Variants in LRP1B observed in about 807,000 individuals in gnomAD.
LRP1B encodes LDL receptor related protein 1B.
LRP1B carries 217 observed loss-of-function variants against 556.6 expected under a neutral mutation model. The ratio of observed to expected loss-of-function variants is 0.39; its 90% CI spans 0.35 to 0.44. The LOEUF is 0.44. Among genes scored for constraint, LRP1B ranks in the 20% least tolerant of loss-of-function variants. The probability of loss-of-function intolerance (pLI) is 1.00; values close to 1 mark genes in which losing one functional copy is unlikely to be tolerated. For synonymous variants in LRP1B, 2,047 were observed against 1,865.8 expected (o/e 1.10, Z -2.50); for missense variants, 5,053 against 5,620.8 (o/e 0.90, Z 3.23).
chr2:141,786,099 T>C (rs1454335258), intron 2 of LRP1B, among the ~76,000 whole-genome samples: 1 of 151,978 alleles, frequency 6.6e-6, no homozygotes, highest in Non-Finnish European at 1.5e-5. Flanking sequence ...GCAATGAAAG[T>C]ATTCTAAGAA....
chr2:142,084,837 G>A (rs967827724), intron 1 of LRP1B, among the ~76,000 whole-genome samples: 45 of 152,102 alleles, frequency 3.0e-4, no homozygotes, highest in Admixed American at 2.6e-3. Flanking sequence ...TTTTACAAAC[G>A]AAAGTAGTTT....
At chr2:140,915,893 G>T (rs1694561177) in intron 21 of LRP1B, among the ~76,000 whole-genome samples, 1 of 151,398 alleles carries the variant, frequency 6.6e-6, no homozygotes, top group South Asian at 2.1e-4. Flanking sequence ...CCGGGTGAGG[G>T]GGCAGGCGCC....
rs187157893 is a variant in LRP1B at position 140,951,909 on chromosome 2, G to A, written c.2919C>T (p.Phe973=). 8.1e-5 allele frequency: 131 copies of A among 1,613,910 alleles called. No individual in the cohort carries two copies. The East Asian group carries it at 2.2e-3, about 27-fold the overall frequency. ...EFPTCEPLTQ[F]VCKSGRCISS... ...TAATGCATCTTCCACTTTTGCATAC[G>A]AATTGGGTTAGTGGCTCACAAGTTG... The change falls in exon 19 of 91, where the codon TTC becomes TTT. Residue 973 remains phenylalanine (F), a synonymous_variant. Transcript: ENST00000389484.
chr2:141,952,978 G>A (rs1701150149), intron 1 of LRP1B, among the ~76,000 whole-genome samples: 1 of 152,024 alleles, frequency 6.6e-6, no homozygotes, highest in South Asian at 2.1e-4. Flanking sequence ...ATATTTAAAT[G>A]ATATAAACTC....
At chr2:140,288,017 G>T (rs753651418) in intron 84 of LRP1B, among the ~76,000 whole-genome samples, 93 of 151,640 alleles carry the variant, frequency 6.1e-4, no homozygotes, top group African/African-American at 2.2e-3. Flanking sequence ...TTCATATATT[G>T]TTTTCTATTT....
intron 20 of LRP1B, among the ~76,000 whole-genome samples, chr2:140,933,308 G>C (rs1389637052): frequency 3.3e-5 from 5 of 152,042 alleles, no homozygotes; most frequent in Non-Finnish European, 5.9e-5. Context: ...TCAAAGAAAA[G>C]GCAGCACTTT....
At chr2:140,873,943 T>C (rs1469607939) in intron 25 of LRP1B, among the ~76,000 whole-genome samples, 1 of 151,820 alleles carries the variant, frequency 6.6e-6, no homozygotes, top group Non-Finnish European at 1.5e-5. Flanking sequence ...AAGAGGTTTT[T>C]TTTTGGTAAG....
chr2:141,827,905 A>G (rs1188398080), intron 1 of LRP1B, among the ~76,000 whole-genome samples: 1 of 152,000 alleles, frequency 6.6e-6, no homozygotes, highest in Non-Finnish European at 1.5e-5. Flanking sequence ...ATATATTTAT[A>G]TACCCTTCTC....
At chr2:141,842,276 A>G (rs935665023) in intron 1 of LRP1B, among the ~76,000 whole-genome samples, 1 of 152,090 alleles carries the variant, frequency 6.6e-6, no homozygotes, top group Non-Finnish European at 1.5e-5. Context: ...TATTAGGTTA[A>G]TTTAAAAGGT....
intron 2 of LRP1B, among the ~76,000 whole-genome samples, chr2:141,700,073 A>G (rs2105460526): frequency 6.6e-6 from 1 of 151,776 alleles, no homozygotes; most frequent in East Asian, 1.9e-4. Context: ...ATGCATCAGT[A>G]CATTTTCCTG....
chr2:140,992,585 A>G (rs1407022507), intron 16 of LRP1B: 2 of 152,110 alleles, frequency 1.3e-5, no homozygotes, highest in Non-Finnish European at 2.9e-5. Context: ...GACTCTTCAC[A>G]CTTAGTTACA....
intron 43 of LRP1B, among the ~76,000 whole-genome samples, chr2:140,581,915 A>G (rs924293831): frequency 6.6e-6 from 1 of 152,166 alleles, no homozygotes; most frequent in African/African-American, 2.4e-5. Context: ...TTCATACTAC[A>G]TCATTCACTT....
intron 35 of LRP1B, among the ~76,000 whole-genome samples, chr2:140,743,519 T>G (rs1262830085): frequency 6.6e-6 from 1 of 152,148 alleles, no homozygotes; most frequent in African/African-American, 2.4e-5. Context: ...TGTCTCAGTT[T>G]CCCCATCTGT....
chr2:140,643,757 C>G (rs80018460), intron 41 of LRP1B, among the ~76,000 whole-genome samples: 1 of 152,076 alleles, frequency 6.6e-6, no homozygotes, highest in Admixed American at 6.5e-5. Flanking sequence ...CTTGAATGTA[C>G]GTAATCACTA....
In LRP1B at chr2:141,558,721, G is replaced by A. The variant is rs772721723; in HGVS notation, c.206-78188C>T. On this transcript the variant is annotated intron_variant, in intron 2 of 90. Transcript: ENST00000389484. ...AATCTTAGCTGTAGACTATGTTTAC[G>A]CACTAATGGATTCTGGCAATCTCTA... Among the ~76,000 whole-genome samples, 6 of 151,796 alleles carry A rather than the reference G, an allele frequency of 4.0e-5. No homozygotes were observed. The South Asian group carries it at 8.3e-4, about 21-fold the overall frequency.
intron 7 of LRP1B, among the ~76,000 whole-genome samples, chr2:141,076,504 C>T (rs1699790823): frequency 6.6e-6 from 1 of 152,144 alleles, no homozygotes; most frequent in Non-Finnish European, 1.5e-5. Context: ...TTCCTATAAT[C>T]ACTGTGGTGG....
chr2:141,752,437 T>C (rs1189665296), intron 2 of LRP1B, among the ~76,000 whole-genome samples: 1 of 152,134 alleles, frequency 6.6e-6, no homozygotes, highest in Admixed American at 6.5e-5. Flanking sequence ...CCTGAAAGAC[T>C]TTCCATACTC....
intron 5 of LRP1B, among the ~76,000 whole-genome samples, chr2:141,231,128 T>G (rs1683443222): frequency 6.6e-6 from 1 of 152,230 alleles, no homozygotes; most frequent in African/African-American, 2.4e-5. Flanking sequence ...TAAATATCAT[T>G]TGACCATTCT....
At chr2:140,245,015 G>A (rs999043369) in intron 87 of LRP1B, among the ~76,000 whole-genome samples, 3 of 151,292 alleles carry the variant, frequency 2.0e-5, no homozygotes, top group Non-Finnish European at 3.0e-5. Context: ...CAAGTTTCTC[G>A]AAGCATAAAT....
Sources: allele counts gnomAD v4.1 joint callset (sites outside exome capture counted in the v4.1 genomes callset), GRCh38; gene constraint gnomAD v4.1.1; transcripts MANE v1.5; gene names NCBI Gene and HGNC (gene_info 2026-07-23, HGNC 2026-07-21).